Variants in RARB observed in about 807,000 individuals in gnomAD.
RARB encodes the protein HBV-activated protein.
A neutral mutation model predicts 51.9 loss-of-function variants in RARB; 17 were observed. The observed-to-expected ratio is 0.33, with a 90% CI of 0.22 to 0.49. The LOEUF (loss-of-function observed/expected upper bound fraction) is 0.49, where lower values mean the gene tolerates loss of function less well. Among genes scored for constraint, RARB ranks in the 20% least tolerant of loss-of-function variants. The pLI is 0.99. For missense variants in RARB, 369 were observed against 550.8 expected, an observed-to-expected ratio of 0.67 and a Z score of 3.30; for synonymous variants, 215 against 195.4, an observed-to-expected ratio of 1.10 and a Z score of -0.84.
At chr3:25,260,391 C>G (rs1025171543) in intron 5 of RARB, among the ~76,000 whole-genome samples, 1 of 152,102 alleles carries the variant, frequency 6.6e-6, no homozygotes, top group East Asian at 1.9e-4. Context: ...ACCATGCATA[C>G]AAAAACCAAG....
At position 25,241,330 on chromosome 3, in the gene RARB, A is replaced by G. The variant is rs534533510; in HGVS notation, c.178+66755A>G. Among the ~76,000 whole-genome samples the G allele has an allele frequency of 2.6e-5, 4 of 152,248 alleles. No homozygotes were observed. In the South Asian group the frequency reaches 8.3e-4, roughly 32 times the overall value. ...TTTGTTTTATGTCTTTTTTTAAATT[A>G]TACTTTAAGTTCTGGGATACATGTG... On this transcript the variant is annotated intron_variant, in intron 5 of 11. Coordinates refer to the RARB transcript ENST00000383772.
chr3:25,410,793 A>C (rs1482231631), intron 5 of RARB, among the ~76,000 whole-genome samples: 1 of 152,206 alleles, frequency 6.6e-6, no homozygotes, highest in Non-Finnish European at 1.5e-5. Context: ...CGCCACAGAA[A>C]TCAGCAAACA....
At chr3:24,962,486 C>T (rs1696162202) in intron 2 of RARB, among the ~76,000 whole-genome samples, 1 of 152,162 alleles carries the variant, frequency 6.6e-6, no homozygotes, top group Admixed American at 6.5e-5. Flanking sequence ...TACACTAAAT[C>T]AGAGGTCCCC....
At chr3:24,896,991 G>C (rs1236383265) in intron 2 of RARB, among the ~76,000 whole-genome samples, 1 of 152,210 alleles carries the variant, frequency 6.6e-6, no homozygotes, top group South Asian at 2.1e-4. Flanking sequence ...TGAATGGAAA[G>C]CCATTGTCGG....
chr3:24,912,972 A>ATTATTTTTTTTTTTTTTTTTTTTTTT (rs71622787), intron 2 of RARB, among the ~76,000 whole-genome samples: 1 of 57,636 alleles, frequency 1.7e-5, no homozygotes, highest in Non-Finnish European at 3.6e-5. Context: ...CAAGGTACTG[A>ATTATTTTTTTTTTTTTTTTTTTTTTT]TTCTTTTTTT....
chr3:25,487,702 T>C (rs1696538602), intron 2 of RARB, among the ~76,000 whole-genome samples: 1 of 152,242 alleles, frequency 6.6e-6, no homozygotes, highest in African/African-American at 2.4e-5. Context: ...TACACATTAA[T>C]TCAGAATCTC....
At chr3:25,054,661 CTG>C (rs1255853936) in intron 2 of RARB, among the ~76,000 whole-genome samples, 5 of 152,276 alleles carry the variant, frequency 3.3e-5, no homozygotes, top group African/African-American at 9.6e-5. Context: ...TGCAGGGAAA[CTG>C]TGGATGCTGA....
At chr3:25,339,046 G>T (rs1302115694) in intron 5 of RARB, among the ~76,000 whole-genome samples, 3 of 152,120 alleles carry the variant, frequency 2.0e-5, no homozygotes, top group Admixed American at 6.6e-5. Flanking sequence ...GCACTTGAAA[G>T]GTCTATGTTC....
At chr3:25,143,557 C>A (rs938930226) in intron 4 of RARB, among the ~76,000 whole-genome samples, 23 of 152,140 alleles carry the variant, frequency 1.5e-4, no homozygotes, top group Non-Finnish European at 8.8e-5. Context: ...CTTTGTCTTT[C>A]AAGCTTAGGC....
chr3:24,935,217 C>G (rs924759132), intron 2 of RARB, among the ~76,000 whole-genome samples: 7 of 152,050 alleles, frequency 4.6e-5, no homozygotes, highest in African/African-American at 1.7e-4. Context: ...TGCTTTGTTA[C>G]GTTTAGGTAT....
rs140925371 is a variant in RARB at position 25,222,090 on chromosome 3, C to T, written c.178+47515C>T. Among the ~76,000 whole-genome samples the T allele has an allele frequency of 1.6e-3, 237 of 152,246 alleles. 2 individuals are homozygous for T. Among genetic ancestry groups the T allele is most frequent in the African/African-American group, 5.5e-3 (227 of 41,556 alleles). ...ACTTGGTAATACATCACTGGCGTGA[C>T]CTGTCATTCTAATGATGCATTAGTG... On this transcript the variant is annotated intron_variant, in intron 5 of 11. Coordinates refer to the RARB transcript ENST00000383772.
intron 4 of RARB, among the ~76,000 whole-genome samples, chr3:25,580,145 C>T (rs548269947): frequency 2.6e-5 from 4 of 152,260 alleles, no homozygotes; most frequent in East Asian, 3.9e-4. Flanking sequence ...GAGGCCGAGG[C>T]GGGTGAATCA....
rs1023987134 is a variant in RARB at position 25,569,622 on chromosome 3, A to G, written c.449-136A>G. ...AATCCCTTTTCCAGGGAGGTGTGTT[A>G]TTACCACCTCTTCCCACTGTTTCTG... is the stretch of plus-strand genomic sequence containing the variant. On this transcript the variant is annotated intron_variant, in intron 3 of 7. Coordinates refer to ENST00000330688, the MANE Select transcript of RARB (RefSeq NM_000965.5). 4.8e-6 allele frequency: 5 copies of G among 1,037,524 alleles called. No individual in the cohort carries two copies. In the Admixed American group the frequency reaches 7.3e-5, roughly 15 times the overall value. 64.3% of individuals were successfully genotyped at this position (1,037,524 alleles called of 1,614,324 possible).
intron 3 of RARB, among the ~76,000 whole-genome samples, chr3:25,094,849 G>C (rs1022220827): frequency 6.6e-6 from 1 of 151,840 alleles, no homozygotes; most frequent in Non-Finnish European, 1.5e-5. Context: ...TTTCACCCTG[G>C]GAAGGACTCT....
At chr3:25,145,871 G>A (rs62228592) in intron 4 of RARB, among the ~76,000 whole-genome samples, 76,831 of 151,850 alleles carry the variant, frequency 0.51, 19,818 homozygotes, top group East Asian at 0.69. Context: ...GCATGGTAGG[G>A]GGTGCCTATA....
intron 1 of RARB, among the ~76,000 whole-genome samples, chr3:24,839,075 A>T (rs74419727): frequency 0.018 from 2,695 of 152,228 alleles, 69 homozygotes; most frequent in African/African-American, 0.061. Context: ...TATTTGAGTA[A>T]AAAAGTATTT....
chr3:25,203,172 T>C (rs2125372267), intron 5 of RARB, among the ~76,000 whole-genome samples: 1 of 152,344 alleles, frequency 6.6e-6, no homozygotes, highest in East Asian at 1.9e-4. Context: ...AATTGATCCC[T>C]TACCATTATG....
chr3:25,580,331 G>A (rs946851363), intron 4 of RARB, among the ~76,000 whole-genome samples: 1 of 152,194 alleles, frequency 6.6e-6, no homozygotes, highest in African/African-American at 2.4e-5. Flanking sequence ...CTGAGATCGT[G>A]CTACTGCACT....
chr3:25,345,082 C>T (rs145481180), intron 5 of RARB, among the ~76,000 whole-genome samples: 360 of 152,260 alleles, frequency 2.4e-3, no homozygotes, highest in Admixed American at 5.4e-3. Flanking sequence ...GTTTGACTTA[C>T]CGCCTTGTAG....
Sources: allele counts gnomAD v4.1 joint callset (sites outside exome capture counted in the v4.1 genomes callset), GRCh38; gene constraint gnomAD v4.1.1; transcripts MANE v1.5; gene names NCBI Gene and HGNC (gene_info 2026-07-23, HGNC 2026-07-21).